PRELID2: variants seen among roughly 807,000 people sequenced by gnomAD.
PRELID2 encodes the protein PRELI domain containing 2, also known as PRELI domain-containing protein 2.
Under a neutral mutation model 28.4 loss-of-function variants are expected in PRELID2, and 25 were observed. That is an observed-to-expected ratio of 0.88 (90% CI 0.64 to 1.23). The LOEUF is 1.23. PRELID2 is among the 50% of genes most tolerant of loss of function. The pLI is 0.00. For missense variants in PRELID2, 201 were observed against 214.4 expected (o/e 0.94, Z 0.39); for synonymous variants, 76 against 71.6 (o/e 1.06, Z -0.31).
At chr5:145,340,074 T>C in the PRELID2 span, among the ~76,000 whole-genome samples, 1 of 152,136 alleles carries the variant, frequency 6.6e-6, no homozygotes, top group South Asian at 2.1e-4. Context: ...CACCTCTTCC[T>C]ACCATAGCCA....
At chr5:145,565,347 A>G (rs1231596938) in intron 1 of PRELID2, among the ~76,000 whole-genome samples, 2 of 152,206 alleles carry the variant, frequency 1.3e-5, no homozygotes, top group East Asian at 3.8e-4. Context: ...TTGACATGGA[A>G]CCATTATATT....
At chr5:145,784,189 C>G (rs1223785327) in intron 5 of PRELID2, among the ~76,000 whole-genome samples, 1 of 144,258 alleles carries the variant, frequency 6.9e-6, no homozygotes. Flanking sequence ...GAGGTTGAGG[C>G]ACAAGAATTG....
intron 1 of PRELID2, among the ~76,000 whole-genome samples, chr5:145,626,858 G>A (rs1753853070): frequency 6.6e-6 from 1 of 152,018 alleles, no homozygotes; most frequent in Non-Finnish European, 1.5e-5. Flanking sequence ...CCAACACTTT[G>A]GGAGGCCAAG....
At chr5:145,773,139 G>A (rs377558604) in intron 5 of PRELID2, among the ~76,000 whole-genome samples, 19 of 152,234 alleles carry the variant, frequency 1.2e-4, no homozygotes, top group East Asian at 1.2e-3. Flanking sequence ...TAATGGAAAA[G>A]AATATATCCT....
At chr5:145,399,065 C>T in the PRELID2 span, among the ~76,000 whole-genome samples, 1 of 152,096 alleles carries the variant, frequency 6.6e-6, no homozygotes, top group African/African-American at 2.4e-5. Context: ...GGAGGGCTAA[C>T]CCAAGTGGCC....
At chr5:145,338,219 G>T in the PRELID2 span, 12 of 152,164 alleles carry the variant, frequency 7.9e-5, no homozygotes, top group Non-Finnish European at 1.6e-4. Context: ...AGACACCACT[G>T]TTGTGGATGA....
intron 1 of PRELID2, among the ~76,000 whole-genome samples, chr5:145,624,940 T>C (rs1008203117): frequency 6.6e-6 from 1 of 152,106 alleles, no homozygotes; most frequent in African/African-American, 2.4e-5. Context: ...AATAGTAATT[T>C]TATAGAAGAG....
the PRELID2 span, among the ~76,000 whole-genome samples, chr5:145,407,321 G>A: frequency 6.6e-6 from 1 of 152,076 alleles, no homozygotes; most frequent in Non-Finnish European, 1.5e-5. Flanking sequence ...CTCTGGATAA[G>A]GCCTGTCACT....
rs141783366 is a variant in PRELID2 at position 145,832,918 on chromosome 5, C to T, written c.75+2259G>A. 3.4e-3 allele frequency among the ~76,000 whole-genome samples: 524 copies of T among 152,274 alleles called. 3 individuals are homozygous for T. The highest frequency in any genetic ancestry group is 0.012 in the African/African-American group (479 of 41,540). On this transcript the variant is annotated intron_variant, in intron 1 of 6. Coordinates refer to ENST00000683046, the MANE Select transcript of PRELID2 (RefSeq NM_205846.3). ...ATCACCCTCTCTGACTTCAGCAGGCCTCCCTGCTATATTCAAGCACCATGT... is the reference window on the plus strand; with the variant it reads ...ATCACCCTCTCTGACTTCAGCAGGCTTCCCTGCTATATTCAAGCACCATGT...
At chr5:145,665,986 TA>T (rs79255272) in intron 1 of PRELID2, among the ~76,000 whole-genome samples, 4,676 of 138,108 alleles carry the variant, frequency 0.034, 84 homozygotes, top group African/African-American at 0.054. Flanking sequence ...GTCTTTTTTT[TA>T]AAAAAAAAAA....
chr5:145,827,666 G>GAGGAAA (rs1416271320), intron 1 of PRELID2, among the ~76,000 whole-genome samples: 2 of 152,194 alleles, frequency 1.3e-5, no homozygotes, highest in Non-Finnish European at 2.9e-5. Context: ...TTGTAACACA[G>GAGGAAA]AGGAAAATCC....
At chr5:145,700,945 C>G (rs140284380) in intron 1 of PRELID2, among the ~76,000 whole-genome samples, 199 of 152,218 alleles carry the variant, frequency 1.3e-3, no homozygotes, top group Middle Eastern at 6.8e-3. Flanking sequence ...AGAATTATCT[C>G]TGTGTGACCA....
chr5:145,365,341 C>T, the PRELID2 span, among the ~76,000 whole-genome samples: 1 of 151,836 alleles, frequency 6.6e-6, no homozygotes, highest in Non-Finnish European at 1.5e-5. Flanking sequence ...CATCATCCTA[C>T]AATGCAAACA....
chr5:145,676,476 T>C (rs1192443045), intron 1 of PRELID2, among the ~76,000 whole-genome samples: 2 of 152,100 alleles, frequency 1.3e-5, no homozygotes, highest in African/African-American at 2.4e-5. Context: ...GAGGTGGAGG[T>C]TGCAGTGAGC....
intron 4 of PRELID2, among the ~76,000 whole-genome samples, chr5:145,815,271 C>A (rs1348866795): frequency 6.6e-6 from 1 of 152,190 alleles, no homozygotes; most frequent in Non-Finnish European, 1.5e-5. Context: ...TCCCAGCCTC[C>A]AGGTCTGTGA....
At chr5:145,553,859 C>T (rs1224846069) in intron 1 of PRELID2, among the ~76,000 whole-genome samples, 1 of 152,046 alleles carries the variant, frequency 6.6e-6, no homozygotes, top group Non-Finnish European at 1.5e-5. Flanking sequence ...ATTACAACAG[C>T]CCTTAGATGA....
At chr5:145,775,894 C>T (rs1758377149) in intron 5 of PRELID2, among the ~76,000 whole-genome samples, 1 of 152,010 alleles carries the variant, frequency 6.6e-6, no homozygotes, top group African/African-American at 2.4e-5. Context: ...ATTCCACACA[C>T]TTAACATTAC....
At chr5:145,769,959 G>T (rs751932641) in intron 5 of PRELID2, among the ~76,000 whole-genome samples, 5 of 152,194 alleles carry the variant, frequency 3.3e-5, no homozygotes, top group Non-Finnish European at 7.3e-5. Flanking sequence ...GTCAATGACA[G>T]ATGATATATA....
chr5:145,593,304 G>A (rs1753256927), intron 1 of PRELID2, among the ~76,000 whole-genome samples: 1 of 152,148 alleles, frequency 6.6e-6, no homozygotes, highest in Non-Finnish European at 1.5e-5. Context: ...AGGAACCAGG[G>A]CTCCTTAGAG....
Sources: gnomAD v4.1 joint callset for allele counts (sites outside exome capture counted in the v4.1 genomes callset) on GRCh38, gnomAD v4.1.1 for gene constraint, MANE v1.5 for transcripts, NCBI Gene and HGNC (gene_info 2026-07-23, HGNC 2026-07-21) for gene names.